C10orf90: variants seen among roughly 807,000 people sequenced by gnomAD.
The protein encoded by C10orf90 is (E2-independent) E3 ubiquitin-conjugating enzyme FATS.
Under a neutral mutation model 62.5 loss-of-function variants are expected in C10orf90, and 56 were observed. That is an observed-to-expected ratio of 0.90 (90% CI 0.72 to 1.12). The LOEUF (loss-of-function observed/expected upper bound fraction) is 1.12. C10orf90 is among the 50% of genes most tolerant of loss of function. The pLI, the probability that C10orf90 is intolerant of heterozygous loss-of-function variation, is 0.00. For missense variants in C10orf90, 970 were observed against 880.4 expected (o/e 1.10, Z -1.29); for synonymous variants, 386 against 340.4 (o/e 1.13, Z -1.47).
intron 2 of C10orf90, among the ~76,000 whole-genome samples, chr10:126,596,289 C>A (rs1211168211): frequency 1.3e-5 from 2 of 150,094 alleles, no homozygotes; most frequent in African/African-American, 4.9e-5. Context: ...GGTGACAGAG[C>A]AAATCCTTGT....
intron 2 of C10orf90, among the ~76,000 whole-genome samples, chr10:126,514,288 A>T (rs1490757568): frequency 6.6e-6 from 1 of 152,188 alleles, no homozygotes; most frequent in Non-Finnish European, 1.5e-5. Context: ...TAGATGTCCC[A>T]ACATCACTAG....
intron 4 of C10orf90, among the ~76,000 whole-genome samples, chr10:126,490,568 A>G (rs761820809): frequency 3.9e-5 from 6 of 152,142 alleles, no homozygotes; most frequent in Non-Finnish European, 7.4e-5. Flanking sequence ...GTTGCAAAAC[A>G]GTATGAATGT....
Position 126,456,108 on chromosome 10 carries a change from A to G in C10orf90, c.2188+2932T>C, listed in dbSNP as rs1279197141. The stretch of plus-strand genomic sequence containing the variant: ...GCTCGTTCACGCATATGATTTATGA[A>G]CTAATTTAGCAAGTAAGAAAAACAT... On this transcript the variant is annotated intron_variant, in intron 7 of 9. Coordinates refer to ENST00000488181, the MANE Select transcript of C10orf90 (RefSeq NM_001350921.2). The surrounding 1 kb of genome is among the most constrained non-coding windows in gnomAD (Gnocchi z 4.9). Among the ~76,000 whole-genome samples, 1 of 152,242 alleles carries G rather than the reference A, an allele frequency of 6.6e-6. No individual in the cohort carries two copies. The highest frequency in any genetic ancestry group is 1.5e-5 in the Non-Finnish European group (1 of 68,040).
At chr10:126,596,242 A>G (rs901087200) in intron 2 of C10orf90, among the ~76,000 whole-genome samples, 1 of 151,814 alleles carries the variant, frequency 6.6e-6, no homozygotes, top group African/African-American at 2.4e-5. Flanking sequence ...GGTCAAGGCT[A>G]CAGTGAGCTG....
intron 7 of C10orf90, among the ~76,000 whole-genome samples, chr10:126,434,535 A>G (rs1437410839): frequency 6.6e-6 from 1 of 152,222 alleles, no homozygotes; most frequent in East Asian, 1.9e-4. Flanking sequence ...GATGTTTTAG[A>G]CATTTGCTTC....
intron 4 of C10orf90, among the ~76,000 whole-genome samples, chr10:126,487,002 G>A (rs112367032): frequency 0.012 from 1,784 of 151,836 alleles, 32 homozygotes; most frequent in African/African-American, 0.04. Context: ...AAAAGTAGCT[G>A]GGTGTGGTGG....
intron 2 of C10orf90, among the ~76,000 whole-genome samples, chr10:126,550,399 T>C (rs1324844455): frequency 6.6e-6 from 1 of 152,178 alleles, no homozygotes; most frequent in Non-Finnish European, 1.5e-5. Flanking sequence ...ATCACGGAAA[T>C]GCTCTGTCTT....
chr10:126,650,713 T>C (rs1846274700), intron 1 of C10orf90, among the ~76,000 whole-genome samples: 1 of 152,208 alleles, frequency 6.6e-6, no homozygotes, highest in African/African-American at 2.4e-5. Flanking sequence ...ATGACTTCAT[T>C]TTGATTCTCC....
At chr10:126,608,550 C>T (rs765345741) in intron 2 of C10orf90, among the ~76,000 whole-genome samples, 2 of 152,092 alleles carry the variant, frequency 1.3e-5, no homozygotes, top group African/African-American at 2.4e-5. Context: ...GAACAATATC[C>T]ACAATTATCT....
chr10:126,565,979 AT>A (rs1172096682), intron 2 of C10orf90, among the ~76,000 whole-genome samples: 1 of 152,074 alleles, frequency 6.6e-6, no homozygotes, highest in Non-Finnish European at 1.5e-5. Flanking sequence ...AAAGAAGATC[AT>A]TTTCCTGTGT....
chr10:126,464,085 C>T (rs1407334742), intron 5 of C10orf90, among the ~76,000 whole-genome samples: 3 of 152,270 alleles, frequency 2.0e-5, no homozygotes, highest in South Asian at 2.1e-4. Context: ...CACCACAGGA[C>T]GTTTTTCCAA....
At chr10:126,431,367 T>C (rs867801303) in intron 7 of C10orf90, among the ~76,000 whole-genome samples, 3 of 152,138 alleles carry the variant, frequency 2.0e-5, no homozygotes, top group South Asian at 2.1e-4. Context: ...CCTAGAGCAA[T>C]TTGTAAGAAG....
chr10:126,625,741 T>C (rs2804436), intron 2 of C10orf90, among the ~76,000 whole-genome samples: 88,108 of 152,066 alleles, frequency 0.58, 25,836 homozygotes, highest in Middle Eastern at 0.69. Flanking sequence ...TATTCCTTTA[T>C]GTCATTCATT....
intron 4 of C10orf90, among the ~76,000 whole-genome samples, chr10:126,484,263 G>A (rs185033608): frequency 4.6e-5 from 7 of 152,040 alleles, no homozygotes; most frequent in East Asian, 3.9e-4. Context: ...CACAACTACC[G>A]CAATTCTCTA....
At position 126,429,865 on chromosome 10, in the gene C10orf90, A is replaced by G; in HGVS notation, c.2189-15T>C. 1 of 1,607,082 alleles carries G rather than the reference A, an allele frequency of 6.2e-7. No homozygotes were observed. ...GAACAAGTTATCTGGAAAAAATAGA[A>G]AGAGAATTAAGTTCAGAAGGCATAG... is the stretch of plus-strand genomic sequence containing the variant. On this transcript the variant is annotated splice_polypyrimidine_tract_variant and intron_variant, in intron 7 of 9. Coordinates refer to ENST00000488181, the MANE Select transcript of C10orf90 (RefSeq NM_001350921.2).
intron 7 of C10orf90, among the ~76,000 whole-genome samples, chr10:126,438,751 TTGTGTGTGTG>T (rs5788786): frequency 1.3e-5 from 2 of 150,870 alleles, no homozygotes; most frequent in Non-Finnish European, 3.0e-5. Context: ...TGTATGTATG[TTGTGTGTGTG>T]TGTGTGTGTG....
intron 4 of C10orf90, among the ~76,000 whole-genome samples, chr10:126,503,587 A>G (rs941208667): frequency 3.3e-5 from 5 of 152,148 alleles, no homozygotes; most frequent in African/African-American, 9.7e-5. Flanking sequence ...GTTTGGCGAG[A>G]GAGATGAAAC....
Position 126,657,380 on chromosome 10 carries a change from G to A in C10orf90, c.241-10743C>T, listed in dbSNP as rs368662851. ...CTGTTTCTGTGAATTTGACAATTCC[G>A]GGTTCTTCATATAAGCAGAGTACAA... On this transcript the variant is annotated intron_variant, in intron 1 of 9. Transcript: ENST00000488181. Among the ~76,000 whole-genome samples, 38 of 152,210 alleles carry A rather than the reference G, an allele frequency of 2.5e-4. No homozygotes were observed. In the East Asian group the frequency reaches 6.0e-3, roughly 24 times the overall value.
intron 5 of C10orf90, among the ~76,000 whole-genome samples, chr10:126,462,735 T>C (rs1245060805): frequency 6.6e-5 from 10 of 152,146 alleles, no homozygotes; most frequent in Non-Finnish European, 1.5e-4. Flanking sequence ...TCTCCATGAT[T>C]ACAACGACTA....
Sources: allele counts gnomAD v4.1 joint callset (sites outside exome capture counted in the v4.1 genomes callset), GRCh38; gene constraint gnomAD v4.1.1; non-coding constraint Gnocchi (gnomAD v3.1); transcripts MANE v1.5; gene names NCBI Gene and HGNC (gene_info 2026-07-23, HGNC 2026-07-21).